EPB41L5: variants seen among roughly 807,000 people sequenced by gnomAD.
EPB41L5 encodes the protein band 4.1-like protein 5.
A neutral mutation model predicts 106.6 loss-of-function variants in EPB41L5; 55 were observed. That is an observed-to-expected ratio of 0.52 (90% CI 0.42 to 0.65). The LOEUF is 0.65. Among genes scored for constraint, EPB41L5 ranks in the 30% least tolerant of loss-of-function variants. The probability of loss-of-function intolerance (pLI) is 0.00; values close to 1 mark genes in which losing one functional copy is unlikely to be tolerated. For missense variants in EPB41L5, 871 were observed against 882.1 expected, an observed-to-expected ratio of 0.99 and a Z score of 0.16; for synonymous variants, 297 against 306.7, an observed-to-expected ratio of 0.97 and a Z score of 0.33.
At chr2:120,106,109 TG>T in intron 16 of EPB41L5, 1 of 985,232 alleles carries the variant, frequency 1.0e-6, no homozygotes, top group Non-Finnish European at 1.2e-6. Context: ...ATTTATAATT[TG>T]AGTTAATCAG....
In EPB41L5 at chr2:120,167,495, G is replaced by T. The variant is rs938563706; in HGVS notation, c.1992G>T (p.Arg664=). 1.2e-6 allele frequency: 2 copies of T among 1,613,808 alleles called. No homozygotes were observed. Among genetic ancestry groups the T allele is most frequent in the African/African-American group, 2.7e-5 (2 of 74,924 alleles). ...CTTCCACATCCATGATCACACCCCG[G>T]TGGATTGTTCCGGTAAGTTCATGTT... The part of the protein sequence containing the change: ...QVSSTSMITP[R]WIVPQSGAMS... The change falls in exon 23 of 25, where the codon CGG becomes CGT. Residue 664 remains arginine, a synonymous_variant. Transcript: ENST00000263713.
At chr2:120,167,591 T>G in intron 23 of EPB41L5, 84 bp downstream of exon 23, 1 of 1,400,306 alleles carries the variant, frequency 7.1e-7, no homozygotes, top group South Asian at 1.2e-5. Context: ...TTGTTTTTCC[T>G]TAAAAACATG....
At chr2:120,112,362 C>T (rs1006855809) in intron 16 of EPB41L5, among the ~76,000 whole-genome samples, 1 of 152,158 alleles carries the variant, frequency 6.6e-6, no homozygotes, top group Non-Finnish European at 1.5e-5. Flanking sequence ...CTTCTGTATC[C>T]TCAGACACTC....
rs140112562 is a variant in EPB41L5 at position 120,092,177 on chromosome 2, C to T, written c.1150+516C>T. ...CTGAGTAGCTGGGATTACAGGCATG[C>T]GCCACCACTCCTGACTCATTTTTGT... is the stretch of plus-strand genomic sequence containing the variant. On this transcript the variant is annotated intron_variant, in intron 13 of 24. Coordinates refer to ENST00000263713, the MANE Select transcript of EPB41L5 (RefSeq NM_020909.4). Among the ~76,000 whole-genome samples, 798 of 152,074 alleles carry T rather than the reference C, an allele frequency of 5.2e-3. 4 individuals carry two copies. The highest frequency in any genetic ancestry group is 0.018 in the African/African-American group (765 of 41,508).
intron 16 of EPB41L5, among the ~76,000 whole-genome samples, chr2:120,113,982 T>G (rs1257588878): frequency 6.6e-6 from 1 of 152,264 alleles, no homozygotes; most frequent in Non-Finnish European, 1.5e-5. Context: ...TATGAACATG[T>G]GTTCTCAATT....
At chr2:120,095,438 A>G (rs542597944) in intron 14 of EPB41L5, among the ~76,000 whole-genome samples, 28 of 149,472 alleles carry the variant, frequency 1.9e-4, no homozygotes, top group Non-Finnish European at 3.4e-4. Context: ...TCTCATTAAC[A>G]TGTAAGTTGT....
At chr2:120,162,066 G>A (rs918377194) in intron 21 of EPB41L5, among the ~76,000 whole-genome samples, 6 of 152,140 alleles carry the variant, frequency 3.9e-5, no homozygotes, top group African/African-American at 1.4e-4. Flanking sequence ...CTGCCTTCAA[G>A]CAATTCTACT....
At chr2:120,063,062 G>C (rs1387313875) in intron 3 of EPB41L5, among the ~76,000 whole-genome samples, 1 of 152,134 alleles carries the variant, frequency 6.6e-6, no homozygotes, top group Admixed American at 6.6e-5. Context: ...TAAGTGGGCT[G>C]GGTGTGGTGG....
intron 14 of EPB41L5, among the ~76,000 whole-genome samples, chr2:120,094,958 C>T (rs915991659): frequency 6.6e-6 from 1 of 151,960 alleles, no homozygotes; most frequent in Non-Finnish European, 1.5e-5. Flanking sequence ...TTTTATGGCC[C>T]CTCCATATGA....
intron 2 of EPB41L5, among the ~76,000 whole-genome samples, chr2:120,037,199 T>C (rs1288938377): frequency 6.6e-6 from 1 of 152,060 alleles, no homozygotes; most frequent in Non-Finnish European, 1.5e-5. Context: ...TGCTTAGGAA[T>C]AAATTTAACC....
intron 1 of EPB41L5, among the ~76,000 whole-genome samples, chr2:120,015,807 C>T (rs1050308514): frequency 6.6e-5 from 10 of 150,662 alleles, no homozygotes; most frequent in East Asian, 2.0e-4. Context: ...AACGTTAGCC[C>T]GGTGGGATGG....
chr2:120,146,102 A>G, intron 19 of EPB41L5, 123 bp from the exon 20 acceptor site: 2 of 635,280 alleles, frequency 3.1e-6, no homozygotes, highest in South Asian at 3.8e-5. Context: ...ATAAGGTATG[A>G]TTACCTCTTA....
chr2:120,128,855 C>T (rs1685570382), intron 17 of EPB41L5, among the ~76,000 whole-genome samples: 1 of 151,916 alleles, frequency 6.6e-6, no homozygotes, highest in South Asian at 2.1e-4. Context: ...AAGAAAATAT[C>T]CCCCATTACT....
At chr2:120,060,014 G>A (rs2105277542) in intron 3 of EPB41L5, among the ~76,000 whole-genome samples, 1 of 152,304 alleles carries the variant, frequency 6.6e-6, no homozygotes, top group Non-Finnish European at 1.5e-5. Context: ...ATGAAAAGAT[G>A]TTAGACTAGC....
At chr2:120,061,583 C>A (rs1459369669) in intron 3 of EPB41L5, among the ~76,000 whole-genome samples, 1 of 151,450 alleles carries the variant, frequency 6.6e-6, no homozygotes, top group Non-Finnish European at 1.5e-5. Flanking sequence ...AGTTCTTGAC[C>A]TCAGGTGATC....
intron 21 of EPB41L5, among the ~76,000 whole-genome samples, chr2:120,164,190 G>T (rs115013603): frequency 0.012 from 1,748 of 151,850 alleles, 31 homozygotes; most frequent in African/African-American, 0.04. Flanking sequence ...CACCGTGTTA[G>T]CCAGGAGTGC....
chr2:120,174,712 A>G, intron 24 of EPB41L5, 129 bp from the exon 25 acceptor site: 1 of 757,574 alleles, frequency 1.3e-6, no homozygotes, highest in Admixed American at 1.8e-5. Context: ...GTTAGGTGTT[A>G]CTACATATTG....
intron 13 of EPB41L5, 107 bp from the exon 14 acceptor site, chr2:120,093,142 G>T (rs1683524136): frequency 1.1e-6 from 1 of 928,354 alleles, no homozygotes; most frequent in Admixed American, 1.8e-5. Context: ...ATTTATGGTT[G>T]TGAAACATGG....
rs746507508 is a variant in EPB41L5 at position 120,066,510 on chromosome 2, C to T, written c.286-6668C>T. Reference sequence around the variant, plus strand: ...CTCTATTATATTAAAATGCTTTAACCAGTTCACTCTTGTTAGATACATAGG... The same window carrying T: ...CTCTATTATATTAAAATGCTTTAACTAGTTCACTCTTGTTAGATACATAGG... On this transcript the variant is annotated intron_variant, in intron 3 of 24. Transcript: ENST00000263713. Among the ~76,000 whole-genome samples, 16 of 152,114 alleles carry T rather than the reference C, an allele frequency of 1.1e-4. No homozygotes were observed. The South Asian group carries it at 1.9e-3, about 18-fold the overall frequency.
Sources: allele counts gnomAD v4.1 joint callset (sites outside exome capture counted in the v4.1 genomes callset), GRCh38; gene constraint gnomAD v4.1.1; transcripts MANE v1.5; gene names NCBI Gene and HGNC (gene_info 2026-07-23, HGNC 2026-07-21).